C9orf153: variants seen among roughly 807,000 people sequenced by gnomAD.
C9orf153 encodes chromosome 9 open reading frame 153.
C9orf153 carries 10 observed loss-of-function variants against 9.0 expected under a neutral mutation model. The ratio of observed to expected loss-of-function variants is 1.11; its 90% CI spans 0.69 to 1.89. The LOEUF (loss-of-function observed/expected upper bound fraction) is 1.89. Ranked by LOEUF, C9orf153 falls within the 40% of genes most tolerant of loss-of-function variation. The pLI, the probability that C9orf153 is intolerant of heterozygous loss-of-function variation, is 0.00. For missense variants in C9orf153, 108 were observed against 111.0 expected, an observed-to-expected ratio of 0.97 and a Z score of 0.12; for synonymous variants, 35 against 37.3, an observed-to-expected ratio of 0.94 and a Z score of 0.23.
At chr9:86,240,540 G>GCT (rs1824709763) in intron 1 of C9orf153, among the ~76,000 whole-genome samples, 1 of 151,424 alleles carries the variant, frequency 6.6e-6, no homozygotes, top group African/African-American at 2.4e-5. Context: ...ACCACGCCCG[G>GCT]CTAATGTTTG....
intron 1 of C9orf153, among the ~76,000 whole-genome samples, chr9:86,244,047 C>A (rs546436018): frequency 2.6e-5 from 4 of 152,210 alleles, no homozygotes; most frequent in African/African-American, 4.8e-5. Context: ...TAGCCACTAG[C>A]CAAATGTGGT....
intron 3 of C9orf153, among the ~76,000 whole-genome samples, chr9:86,225,699 G>C (rs183928061): frequency 3.9e-5 from 6 of 152,116 alleles, no homozygotes; most frequent in Non-Finnish European, 8.8e-5. Flanking sequence ...TGTCCAGGCT[G>C]GTCTTGAACT....
intron 1 of C9orf153, among the ~76,000 whole-genome samples, chr9:86,253,535 G>C (rs1244198610): frequency 1.3e-5 from 2 of 152,156 alleles, no homozygotes; most frequent in Admixed American, 1.3e-4. Context: ...AAAAGCCCCA[G>C]AAAAGCCAAC....
At chr9:86,226,579 T>A (rs1824339826) in intron 3 of C9orf153, among the ~76,000 whole-genome samples, 1 of 152,192 alleles carries the variant, frequency 6.6e-6, no homozygotes, top group Non-Finnish European at 1.5e-5. Flanking sequence ...AAATATTTGC[T>A]GTGAAAATGG....
At chr9:86,253,787 C>G (rs1825045166) in intron 1 of C9orf153, among the ~76,000 whole-genome samples, 1 of 152,110 alleles carries the variant, frequency 6.6e-6, no homozygotes, top group African/African-American at 2.4e-5. Context: ...AATAAGTCAG[C>G]AAGTATAATA....
At chr9:86,228,069 C>G (rs934660193) in intron 2 of C9orf153, 39 bp from the exon 3 acceptor site, 1 of 1,452,566 alleles carries the variant, frequency 6.9e-7, no homozygotes, top group African/African-American at 1.4e-5. Context: ...ACGAGACTGA[C>G]AAAAATGTAA....
rs183040102 is a variant in C9orf153, at chr9:86,220,450, T to C, written c.*1238A>G. ...CCCATGTATTTTTTAACATTTTTAT[T>C]TTACCCCCTACTCCTCAGAGAGAGT... is the stretch of plus-strand genomic sequence containing the variant. On this transcript the variant is annotated 3_prime_UTR_variant, in exon 4 of 4. Transcript: ENST00000339137. 77 of 152,266 alleles carry C rather than the reference T, an allele frequency of 5.1e-4. No individual in the cohort carries two copies. The highest frequency in any genetic ancestry group is 1.8e-3 in the African/African-American group (73 of 41,548). 9.4% of individuals were successfully genotyped at this position (152,266 alleles called of 1,614,324 possible).
intron 3 of C9orf153, among the ~76,000 whole-genome samples, chr9:86,224,981 T>A (rs983933126): frequency 1.5e-4 from 22 of 151,298 alleles, no homozygotes; most frequent in African/African-American, 5.3e-4. Flanking sequence ...GGCCCTTGTC[T>A]GCGTACCCCT....
intron 2 of C9orf153, among the ~76,000 whole-genome samples, chr9:86,229,146 T>C (rs1440320421): frequency 6.6e-6 from 1 of 152,200 alleles, no homozygotes; most frequent in Non-Finnish European, 1.5e-5. Flanking sequence ...GATAGTCTTT[T>C]TTTCCAGTGT....
chr9:86,258,836 T>C (rs6559922), intron 1 of C9orf153, among the ~76,000 whole-genome samples: 113,351 of 150,962 alleles, frequency 0.75, 44,105 homozygotes, highest in East Asian at 0.99. Context: ...CACACAGCTT[T>C]CCCCTTTTTT....
At chr9:86,229,049 A>C (rs1349727674) in intron 2 of C9orf153, 1 of 178,300 alleles carries the variant, frequency 5.6e-6, no homozygotes, top group Non-Finnish European at 1.2e-5. Context: ...CTGTTTTGTT[A>C]GTTTACCCCA....
chr9:86,221,864 T>C, intron 3 of C9orf153, 131 bp from the exon 4 acceptor site: 2 of 531,318 alleles, frequency 3.8e-6, no homozygotes, highest in Non-Finnish European at 6.5e-6. Flanking sequence ...AAGCCATTTC[T>C]AAAGCTTTAT....
At chr9:86,237,600 A>G (rs1357104555) in intron 1 of C9orf153, among the ~76,000 whole-genome samples, 1 of 152,224 alleles carries the variant, frequency 6.6e-6, no homozygotes, top group Admixed American at 6.5e-5. Context: ...CACTTTAAGC[A>G]TAAGAACTCT....
At chr9:86,229,668 T>C (rs1824423551) in intron 1 of C9orf153, 39 bp from the exon 2 acceptor site, 1 of 1,236,160 alleles carries the variant, frequency 8.1e-7, no homozygotes, top group Admixed American at 1.9e-5. Flanking sequence ...AAATCAAAGA[T>C]TAAAAATCAG....
At chr9:86,227,747 T>G in intron 3 of C9orf153, 108 bp downstream of exon 3, 2 of 1,462,348 alleles carry the variant, frequency 1.4e-6, no homozygotes, top group Non-Finnish European at 1.8e-6. Context: ...TGACAGCCTC[T>G]GCTGGGACCT....
intron 1 of C9orf153, among the ~76,000 whole-genome samples, chr9:86,245,730 T>C (rs561919369): frequency 1.3e-5 from 2 of 152,326 alleles, no homozygotes; most frequent in South Asian, 2.1e-4. Context: ...TTTTCTTTTT[T>C]ACTGGCCCGC....
Position 86,229,578 on chromosome 9 carries a change from G to A in C9orf153, c.26C>T (p.Pro9Leu). MFLTGDTS[P>L]AEDNREATLP... ...GGTGGCTTCTCTATTGTCCTCAGCT[G>A]GACTGGTGTCTCCAGTGAGGAACAT... Residue 9 changes from proline (P) to leucine (L), a missense_variant, in exon 2 of 4, where the codon CCA becomes CTA. Transcript: ENST00000339137. 1 of 1,612,880 alleles carries A rather than the reference G, an allele frequency of 6.2e-7. No homozygotes were observed. The highest frequency in any genetic ancestry group is 8.5e-7 in the Non-Finnish European group (1 of 1,179,024).
At chr9:86,228,899 T>C (rs1157309100) in intron 2 of C9orf153, 5 of 245,986 alleles carry the variant, frequency 2.0e-5, no homozygotes, top group Middle Eastern at 4.8e-4. Flanking sequence ...ACACAAGTGG[T>C]CCAGACCCTG....
At chr9:86,248,410 A>G (rs1250466608) in intron 1 of C9orf153, among the ~76,000 whole-genome samples, 1 of 152,218 alleles carries the variant, frequency 6.6e-6, no homozygotes, top group Non-Finnish European at 1.5e-5. Flanking sequence ...CTGGGATTAC[A>G]GGCGTGAGCC....
Sources: gnomAD v4.1 joint callset for allele counts (sites outside exome capture counted in the v4.1 genomes callset) on GRCh38, gnomAD v4.1.1 for gene constraint, MANE v1.5 for transcripts, NCBI Gene and HGNC (gene_info 2026-07-23, HGNC 2026-07-21) for gene names.